Variants in EXOC4 observed in about 807,000 individuals in gnomAD.
The protein encoded by EXOC4 is SEC8-like 1.
In EXOC4, 71 loss-of-function variants were observed where a neutral mutation model predicts 107.2. The observed-to-expected ratio is 0.66, with a 90% CI of 0.55 to 0.81. The LOEUF (loss-of-function observed/expected upper bound fraction) is 0.81. Among genes scored for constraint, EXOC4 ranks in the 30% least tolerant of loss-of-function variants. The probability of loss-of-function intolerance (pLI) is 0.00; values close to 1 mark genes in which losing one functional copy is unlikely to be tolerated. For synonymous variants in EXOC4, 456 were observed against 441.2 expected, an observed-to-expected ratio of 1.03 and a Z score of -0.42; for missense variants, 1,108 against 1,189.6, an observed-to-expected ratio of 0.93 and a Z score of 1.01.
At chr7:133,918,117 G>T (rs908882127) in intron 13 of EXOC4, among the ~76,000 whole-genome samples, 4 of 150,154 alleles carry the variant, frequency 2.7e-5, no homozygotes, top group Admixed American at 2.0e-4. Flanking sequence ...CAAGTAGCTG[G>T]GACTACCGGT....
the EXOC4 span, among the ~76,000 whole-genome samples, chr7:134,093,232 GC>G: frequency 6.6e-6 from 1 of 151,950 alleles, no homozygotes; most frequent in Non-Finnish European, 1.5e-5. Flanking sequence ...GGAAAGATCT[GC>G]CATGCAAAAC....
At chr7:133,576,875 A>G in intron 9 of EXOC4, 1 of 1,289,198 alleles carries the variant, frequency 7.8e-7, no homozygotes, top group Non-Finnish European at 1.0e-6. Flanking sequence ...TTCATCGGGT[A>G]ATGTGTTTTA....
the EXOC4 span, among the ~76,000 whole-genome samples, chr7:134,091,449 C>T: frequency 2.6e-5 from 4 of 152,126 alleles, no homozygotes; most frequent in Admixed American, 6.6e-5. Flanking sequence ...AGGTTTTAGT[C>T]GGCTTCTTTA....
At position 133,305,902 on chromosome 7, in the gene EXOC4, G is replaced by A. The variant is rs1563010873; in HGVS notation, c.497G>A (p.Gly166Asp). 1 of 1,607,724 alleles carries A rather than the reference G, an allele frequency of 6.2e-7. No homozygotes were observed. Among genetic ancestry groups the A allele is most frequent in the Non-Finnish European group, 8.5e-7 (1 of 1,177,258 alleles). The change falls in exon 4 of 18, where the codon GGC (glycine) becomes GAC (aspartate). Residue 166 changes from glycine (G) to aspartate (D), a missense_variant. Coordinates refer to ENST00000253861, the MANE Select transcript of EXOC4 (RefSeq NM_021807.4). ...MLVSAVESLE[G>D]PLLQVEGLSD... ...GTGTCAGCAGTTGAGTCTTTGGAGG[G>A]CCCCCTGCTCCAGGTGGAAGGACTG...
intron 5 of EXOC4, among the ~76,000 whole-genome samples, chr7:133,320,923 T>C (rs1263882506): frequency 6.6e-6 from 1 of 152,236 alleles, no homozygotes; most frequent in Non-Finnish European, 1.5e-5. Flanking sequence ...TTTGTCTTAT[T>C]CTTAATAATA....
intron 14 of EXOC4, among the ~76,000 whole-genome samples, chr7:133,986,899 C>CAT (rs1048088453): frequency 7.9e-5 from 12 of 152,270 alleles, no homozygotes; most frequent in South Asian, 6.2e-4. Flanking sequence ...TTGATAGCAG[C>CAT]ATATCCCTTA....
chr7:133,752,127 C>A (rs978675550), intron 10 of EXOC4, among the ~76,000 whole-genome samples: 1 of 152,158 alleles, frequency 6.6e-6, no homozygotes, highest in Non-Finnish European at 1.5e-5. Flanking sequence ...TGCCACTGCA[C>A]TCCAGCCTGG....
At chr7:133,669,612 A>T (rs1346529804) in intron 10 of EXOC4, among the ~76,000 whole-genome samples, 2 of 152,236 alleles carry the variant, frequency 1.3e-5, no homozygotes, top group Admixed American at 1.3e-4. Context: ...ACATGTGAGA[A>T]GATATGTCCC....
intron 9 of EXOC4, among the ~76,000 whole-genome samples, chr7:133,537,249 C>A (rs964390407): frequency 6.6e-6 from 1 of 151,304 alleles, no homozygotes; most frequent in Non-Finnish European, 1.5e-5. Flanking sequence ...CTCCCAGGTT[C>A]AAGTGATTCT....
At chr7:133,576,483 T>A in intron 9 of EXOC4, 1 of 1,281,058 alleles carries the variant, frequency 7.8e-7, no homozygotes, top group Non-Finnish European at 1.0e-6. Flanking sequence ...CATCTGTCGG[T>A]TGCATTTGAT....
chr7:133,593,344 T>C (rs1227411895), intron 9 of EXOC4, among the ~76,000 whole-genome samples: 1 of 152,226 alleles, frequency 6.6e-6, no homozygotes, highest in Non-Finnish European at 1.5e-5. Context: ...TCTTGGTATC[T>C]CTTGTTCACT....
chr7:133,847,537 A>ATTTTT lies in EXOC4; in HGVS notation c.1734+30008_1734+30012dup, dbSNP rs34297470. Among the ~76,000 whole-genome samples the ATTTTT allele has an allele frequency of 1.8e-3, 230 of 127,150 alleles. 2 individuals are homozygous for ATTTTT. The highest frequency in any genetic ancestry group is 6.2e-3 in the African/African-American group (209 of 33,750). 83.4% of individuals were successfully genotyped at this position (127,150 alleles called of 152,430 possible). On this transcript the variant is annotated intron_variant, in intron 11 of 17. Transcript: ENST00000253861. ...ACAGGCCTGTGCCACTACACCAGCT[A>ATTTTT]TTTTTTTTTTTTTTTTTTTGTATTT...
chr7:133,820,487 T>G (rs975345674), intron 11 of EXOC4, among the ~76,000 whole-genome samples: 7 of 152,162 alleles, frequency 4.6e-5, no homozygotes, highest in African/African-American at 1.7e-4. Flanking sequence ...CCCAGCTAAT[T>G]GTAGGTGGCT....
At chr7:133,820,213 A>G (rs979334336) in intron 11 of EXOC4, among the ~76,000 whole-genome samples, 8 of 148,114 alleles carry the variant, frequency 5.4e-5, no homozygotes, top group African/African-American at 2.0e-4. Context: ...TCATTAAAAA[A>G]ATTTATTTTA....
At chr7:133,802,849 C>CAAAAAAAAAA (rs59489161) in intron 10 of EXOC4, among the ~76,000 whole-genome samples, 1 of 64,220 alleles carries the variant, frequency 1.6e-5, no homozygotes, top group African/African-American at 5.6e-5. Context: ...TCTGTCTCCA[C>CAAAAAAAAAA]AAAAAAAAAA....
intron 17 of EXOC4, among the ~76,000 whole-genome samples, chr7:134,043,294 A>AATT (rs1795566372): frequency 6.6e-6 from 1 of 152,130 alleles, no homozygotes; most frequent in Non-Finnish European, 1.5e-5. Context: ...AGGAGCAGAT[A>AATT]ATTATTTTCT....
chr7:133,913,925 G>C (rs1799749808), intron 12 of EXOC4, among the ~76,000 whole-genome samples: 1 of 152,186 alleles, frequency 6.6e-6, no homozygotes, highest in Admixed American at 6.5e-5. Flanking sequence ...GCTAAGAAAG[G>C]TTAGGATGGT....
At chr7:133,913,492 A>G (rs1799740647) in intron 12 of EXOC4, among the ~76,000 whole-genome samples, 1 of 152,170 alleles carries the variant, frequency 6.6e-6, no homozygotes, top group Non-Finnish European at 1.5e-5. Context: ...ATAGCAGTGA[A>G]CCTGGACAGG....
In EXOC4 at chr7:133,260,045, T is replaced by G. The variant is rs550239366; in HGVS notation, c.86+6858T>G. ...CCAGTTTTTTCCAGTACTTTTTTTT[T>G]TGTGTGTGTAAGGATATCCATTTCC... is the stretch of plus-strand genomic sequence containing the variant. On this transcript the variant is annotated intron_variant, in intron 1 of 17. Coordinates refer to ENST00000253861, the MANE Select transcript of EXOC4 (RefSeq NM_021807.4). Among the ~76,000 whole-genome samples, 136 of 152,302 alleles carry G rather than the reference T, an allele frequency of 8.9e-4. 1 individual carries two copies. The highest frequency in any genetic ancestry group is 2.7e-3 in the African/African-American group (111 of 41,556).
Sources: gnomAD v4.1 joint callset for allele counts (sites outside exome capture counted in the v4.1 genomes callset) on GRCh38, gnomAD v4.1.1 for gene constraint, MANE v1.5 for transcripts, NCBI Gene and HGNC (gene_info 2026-07-23, HGNC 2026-07-21) for gene names.